IQSEC2: variants seen among roughly 807,000 people sequenced by gnomAD.
The protein encoded by IQSEC2 is IQ motif and Sec7 domain ArfGEF 2, also known as IQ motif and SEC7 domain-containing protein 2.
In IQSEC2, 6 loss-of-function variants were observed where a neutral mutation model predicts 74.6. That is an observed-to-expected ratio of 0.08 (90% CI 0.04 to 0.16). The LOEUF is 0.16. Ranked by LOEUF, IQSEC2 falls within the 10% of genes least tolerant of loss-of-function variation. The pLI is 1.00. For synonymous variants in IQSEC2, 494 were observed against 544.5 expected, an observed-to-expected ratio of 0.91 and a Z score of 1.29; for missense variants, 734 against 1,306.2, an observed-to-expected ratio of 0.56 and a Z score of 6.75.
At chrX:53,294,021 C>T (rs181516862) in intron 1 of IQSEC2, among the ~76,000 whole-genome samples, 2 of 111,686 alleles carry the variant, frequency 1.8e-5, no homozygotes, top group African/African-American at 3.2e-5. Flanking sequence ...CCTACCACCA[C>T]GCTCCACTGT....
In IQSEC2 at chrX:53,291,443, T is replaced by C. The variant is rs1268684203; in HGVS notation, c.737+452A>G. ...GTCGCCATAATGTATAGTTCTAATG[T>C]CTAGAATGTGTTACATCCAGAGTCC... On this transcript the variant is annotated intron_variant, in intron 2 of 14. Coordinates refer to ENST00000642864, the MANE Select transcript of IQSEC2 (RefSeq NM_001111125.3). Among the ~76,000 whole-genome samples, 4 of 111,947 alleles carry C rather than the reference T, an allele frequency of 3.6e-5. No individual in the cohort carries two copies. The East Asian group carries it at 1.1e-3, about 31-fold the overall frequency.
intron 1 of IQSEC2, among the ~76,000 whole-genome samples, chrX:53,309,791 C>T (rs1020498268): frequency 6.3e-5 from 7 of 111,979 alleles, no homozygotes; most frequent in African/African-American, 1.6e-4. Context: ...AAATTGAACT[C>T]GAAAATAAGT....
At chrX:53,289,170 C>CAG (rs1556872464) in intron 2 of IQSEC2, among the ~76,000 whole-genome samples, 1 of 37,002 alleles carries the variant, frequency 2.7e-5, no homozygotes, top group African/African-American at 1.1e-4. Flanking sequence ...CTTCCCCCTC[C>CAG]ACACACACAT....
At chrX:53,228,955 A>G (rs923648934), downstream of IQSEC2, 3 of 112,777 alleles carry the variant, frequency 2.7e-5, no homozygotes, top group Non-Finnish European at 5.6e-5. Context: ...GTGGATTACA[A>G]CTCACTGGTT....
intron 2 of IQSEC2, chrX:53,266,738 G>A (rs1602311643): frequency 1.5e-5 from 15 of 971,122 alleles, no homozygotes; most frequent in Non-Finnish European, 1.7e-5. Flanking sequence ...GTCGGACCTA[G>A]GGCTCCAGCT....
At chrX:53,296,995 G>A (rs1325597679) in intron 1 of IQSEC2, among the ~76,000 whole-genome samples, 1 of 110,215 alleles carries the variant, frequency 9.1e-6, no homozygotes, top group Non-Finnish European at 1.9e-5. Flanking sequence ...AATCAACATT[G>A]GTGGTCTACA....
At chrX:53,279,700 C>G in intron 2 of IQSEC2, 1 of 903,283 alleles carries the variant, frequency 1.1e-6, no homozygotes, top group Non-Finnish European at 1.6e-6. Flanking sequence ...GAGAGAGAGA[C>G]AGGGAGGGAG....
At chrX:53,241,632 C>G (rs1251862915) in intron 10 of IQSEC2, 152 bp downstream of exon 10, 1 of 748,597 alleles carries the variant, frequency 1.3e-6, no homozygotes, top group African/African-American at 2.1e-5. Flanking sequence ...CAGAGAAGGC[C>G]TGGGCCTTGC....
rs943030118 is a variant in IQSEC2, at chrX:53,237,690, T to C, written c.3277+455A>G. 2.5e-5 allele frequency: 4 copies of C among 160,941 alleles called. No homozygotes were observed. In the Admixed American group the frequency reaches 2.8e-4, roughly 11 times the overall value. 13.3% of individuals were successfully genotyped at this position (160,941 alleles called of 1,213,427 possible). A position where few individuals can be genotyped will look rare whatever the true frequency, so the allele number is the denominator to read the frequency against. ...GGGTGGGACAGGAAATACGGATTTT[T>C]TGAATGCCTAAGATGTGTTGGGACA... On this transcript the variant is annotated intron_variant, in intron 12 of 14. Transcript: ENST00000642864.
chrX:53,248,914 T>C (rs782046146), intron 5 of IQSEC2, 32 bp from the exon 6 acceptor site: 41 of 1,188,319 alleles, frequency 3.5e-5, no homozygotes, highest in Admixed American at 6.8e-5. Flanking sequence ...ATGAGATGAC[T>C]GTCCTCCTGG....
At position 53,235,048 on chromosome X, in the gene IQSEC2, C is replaced by T. The variant is rs1556859281; in HGVS notation, c.3638G>A (p.Arg1213Gln). The T allele has an allele frequency of 2.6e-6, 3 of 1,146,815 alleles. No homozygotes were observed. The highest frequency in any genetic ancestry group is 3.5e-6 in the Non-Finnish European group (3 of 862,204). 94.5% of individuals were successfully genotyped at this position (1,146,815 alleles called of 1,213,427 possible). A position where few individuals can be genotyped will look rare whatever the true frequency, so the allele number is the denominator to read the frequency against. The change falls in exon 15 of 15, where the codon CGG (arginine) becomes CAG (glutamine). Residue 1213 changes from arginine to glutamine, a missense_variant. Physicochemically the swap from Arg to Gln is conservative, Grantham distance 43. Coordinates refer to ENST00000642864, the MANE Select transcript of IQSEC2 (RefSeq NM_001111125.3). ...TGGCATCTGGAAGGGCCCCTTGCCCCGCTTGCTTCCAAATAGGGAGCCCAG... is the reference window on the plus strand; with the variant it reads ...TGGCATCTGGAAGGGCCCCTTGCCCTGCTTGCTTCCAAATAGGGAGCCCAG... ...SFLGSLFGSKRGKGPFQMPPP... is the reference protein window; with the variant it reads ...SFLGSLFGSKQGKGPFQMPPP...
At chrX:53,274,452 C>CTTTTTTTTTTTTTTTTT (rs66510453) in intron 2 of IQSEC2, among the ~76,000 whole-genome samples, 1 of 47,113 alleles carries the variant, frequency 2.1e-5, no homozygotes, top group Non-Finnish European at 3.3e-5. Flanking sequence ...AGTTACATTT[C>CTTTTTTTTTTTTTTTTT]TTTTTTTTTT....
rs781956154 is a variant in IQSEC2, at chrX:53,241,775, T to C, written c.3015+9A>G. 68 of 1,209,457 alleles carry C rather than the reference T, an allele frequency of 5.6e-5. No homozygotes were observed. Among genetic ancestry groups the C allele is most frequent in the Non-Finnish European group, 7.5e-5 (67 of 894,942 alleles). ...CTCCCTCCCATCTCCTCCCCCACAG[T>C]GCTCATACCACAAGGAGATCATTGA... On this transcript the variant is annotated intron_variant, in intron 10 of 14. Coordinates refer to ENST00000642864, the MANE Select transcript of IQSEC2 (RefSeq NM_001111125.3).
chrX:53,266,668 G>A, intron 2 of IQSEC2: 1 of 872,098 alleles, frequency 1.1e-6, no homozygotes, highest in Non-Finnish European at 1.4e-6. Flanking sequence ...TGGGAGTGCG[G>A]GTACGGGAGG....
downstream of IQSEC2, chrX:53,232,811 A>G (rs2074071877): frequency 1.8e-5 from 2 of 112,908 alleles, no homozygotes; most frequent in African/African-American, 3.2e-5. Flanking sequence ...TCCCTGGGCT[A>G]AGGCCTCTCT....
At chrX:53,285,744 C>T (rs1056370211) in intron 2 of IQSEC2, among the ~76,000 whole-genome samples, 1 of 112,428 alleles carries the variant, frequency 8.9e-6, no homozygotes, top group African/African-American at 3.2e-5. Flanking sequence ...AATAACAGCA[C>T]CTGCTGTGTG....
At chrX:53,275,110 C>A (rs1329904920) in intron 2 of IQSEC2, among the ~76,000 whole-genome samples, 2 of 111,605 alleles carry the variant, frequency 1.8e-5, no homozygotes, top group African/African-American at 6.5e-5. Context: ...AGGCTTTCTC[C>A]ACCTTAATAT....
In IQSEC2 at chrX:53,320,563, G is replaced by A. The variant is rs2075419955; in HGVS notation, c.561C>T (p.Gly187=). The change falls in exon 1 of 15, where the codon GGC becomes GGT. Residue 187 remains glycine, a synonymous_variant. Coordinates refer to ENST00000642864, the MANE Select transcript of IQSEC2 (RefSeq NM_001111125.3). Reference sequence around the variant, plus strand: ...GCCCCACGCCCACCGCCGCCGAATAGCCCGCTTCCTTCTCGCGGCCCGGGT... The same window carrying A: ...GCCCCACGCCCACCGCCGCCGAATAACCCGCTTCCTTCTCGCGGCCCGGGT... ...PAHPGREKEA[G]YSAAVGVGPR... 1 of 1,154,481 alleles carries A rather than the reference G, an allele frequency of 8.7e-7. No individual in the cohort carries two copies. Among genetic ancestry groups the A allele is most frequent in the Non-Finnish European group, 1.2e-6 (1 of 868,185 alleles).
At chrX:53,273,589 C>A (rs1205657662) in intron 2 of IQSEC2, among the ~76,000 whole-genome samples, 3 of 111,775 alleles carry the variant, frequency 2.7e-5, no homozygotes, top group African/African-American at 6.5e-5. Context: ...GAAATGGGAC[C>A]AAGGAAAAAG....
Sources: gnomAD v4.1 joint callset for allele counts (sites outside exome capture counted in the v4.1 genomes callset) on GRCh38, gnomAD v4.1.1 for gene constraint, MANE v1.5 for transcripts, NCBI Gene and HGNC (gene_info 2026-07-23, HGNC 2026-07-21) for gene names.